SDCCAG8: variants seen among roughly 807,000 people sequenced by gnomAD.
SDCCAG8 encodes the protein serologically defined colon cancer antigen 8.
SDCCAG8 carries 74 observed loss-of-function variants against 101.8 expected under a neutral mutation model. That is an observed-to-expected ratio of 0.73 (90% confidence interval 0.60 to 0.88). SDCCAG8 has a LOEUF of 0.88. Ranked by LOEUF, SDCCAG8 falls within the 40% of genes least tolerant of loss-of-function variation. SDCCAG8 has a pLI of 0.00. For missense variants in SDCCAG8, 787 were observed against 822.6 expected (o/e 0.96, Z 0.53); for synonymous variants, 281 against 292.9 (o/e 0.96, Z 0.41).
intron 4 of SDCCAG8, among the ~76,000 whole-genome samples, chr1:243,275,974 C>T (rs772240843): frequency 1.3e-5 from 2 of 149,242 alleles, no homozygotes; most frequent in Non-Finnish European, 3.0e-5. Context: ...AGCTATTCTC[C>T]TGCCTCAGCC....
intron 13 of SDCCAG8, among the ~76,000 whole-genome samples, chr1:243,399,963 A>G (rs373371214): frequency 6.6e-6 from 1 of 152,234 alleles, no homozygotes; most frequent in Admixed American, 6.5e-5. Flanking sequence ...AAACTGAGGT[A>G]TTCAGAGGTT....
In SDCCAG8 at chr1:243,416,498, T is replaced by C. The variant is rs1313862497; in HGVS notation, c.1744+669T>C. Among the ~76,000 whole-genome samples the C allele has an allele frequency of 6.6e-6, 1 of 152,224 alleles. No individual in the cohort carries two copies. The highest frequency in any genetic ancestry group is 1.5e-5 in the Non-Finnish European group (1 of 68,038). On this transcript the variant is annotated intron_variant, in intron 14 of 17. Coordinates refer to ENST00000366541, the MANE Select transcript of SDCCAG8 (RefSeq NM_006642.5). The surrounding 1 kb of genome is among the most constrained non-coding windows in gnomAD (Gnocchi z 4.3). ...AGTGATGTTTAATCCTTTGCATTCT[T>C]CAAGTTCTCACAACTGCTGTTAAAA... is the stretch of plus-strand genomic sequence containing the variant.
chr1:243,475,294 G>C (rs1662182973), intron 16 of SDCCAG8, among the ~76,000 whole-genome samples: 1 of 152,174 alleles, frequency 6.6e-6, no homozygotes, highest in South Asian at 2.1e-4. Context: ...CTGGGGCGGG[G>C]GTCTTTCTAT....
At chr1:243,438,995 CTG>C (rs2082342828) in intron 16 of SDCCAG8, among the ~76,000 whole-genome samples, 1 of 152,152 alleles carries the variant, frequency 6.6e-6, no homozygotes, top group African/African-American at 2.4e-5. Flanking sequence ...TTCATTCCTA[CTG>C]TCTTAGAACC....
In SDCCAG8 at chr1:243,339,199, C is replaced by T. The variant is rs1018175676; in HGVS notation, c.1222-1840C>T. Among the ~76,000 whole-genome samples the T allele has an allele frequency of 3.9e-5, 6 of 152,124 alleles. No individual in the cohort carries two copies. In the South Asian group the frequency reaches 1.2e-3, roughly 31 times the overall value. ...CCTAAGGAAGGGGAGAGATTTGTGACATGCCTTAGAAGAGAAATGGACTAG... is the reference window on the plus strand; with the variant it reads ...CCTAAGGAAGGGGAGAGATTTGTGATATGCCTTAGAAGAGAAATGGACTAG... On this transcript the variant is annotated intron_variant, in intron 10 of 17. Coordinates refer to ENST00000366541, the MANE Select transcript of SDCCAG8 (RefSeq NM_006642.5).
At chr1:243,411,522 G>A (rs2080174901) in intron 13 of SDCCAG8, among the ~76,000 whole-genome samples, 1 of 152,158 alleles carries the variant, frequency 6.6e-6, no homozygotes, top group Non-Finnish European at 1.5e-5. Context: ...ATTGTGGAAA[G>A]ATCATAGTCA....
intron 16 of SDCCAG8, among the ~76,000 whole-genome samples, chr1:243,472,713 A>T (rs922511095): frequency 1.3e-5 from 2 of 152,256 alleles, no homozygotes; most frequent in Non-Finnish European, 2.9e-5. Context: ...AAAAGAAATG[A>T]AACCTGGAGA....
At chr1:243,329,430 G>C (rs1242964974) in intron 9 of SDCCAG8, among the ~76,000 whole-genome samples, 1 of 152,112 alleles carries the variant, frequency 6.6e-6, no homozygotes, top group African/African-American at 2.4e-5. Flanking sequence ...TCACCAGAGG[G>C]AAGCATAACT....
intron 1 of SDCCAG8, among the ~76,000 whole-genome samples, chr1:243,261,420 A>C (rs2067183682): frequency 6.6e-6 from 1 of 152,234 alleles, no homozygotes; most frequent in African/African-American, 2.4e-5. Context: ...GAATATGAGA[A>C]GAAAATATAT....
chr1:243,345,008 A>G (rs1558327439), intron 12 of SDCCAG8, among the ~76,000 whole-genome samples: 1 of 152,198 alleles, frequency 6.6e-6, no homozygotes, highest in Non-Finnish European at 1.5e-5. Context: ...GTTACAGTAC[A>G]GGACCTTGAA....
intron 17 of SDCCAG8, among the ~76,000 whole-genome samples, chr1:243,493,245 C>T (rs1027056140): frequency 2.9e-5 from 1 of 34,302 alleles, no homozygotes; most frequent in African/African-American, 1.1e-4. Flanking sequence ...GAGGGGGATT[C>T]GGGGTGAGGG....
At chr1:243,479,004 G>T (rs115128570) in intron 16 of SDCCAG8, among the ~76,000 whole-genome samples, 6 of 150,938 alleles carry the variant, frequency 4.0e-5, no homozygotes, top group African/African-American at 1.2e-4. Context: ...TCTGAGCAAG[G>T]ATAATGGGCT....
At chr1:243,432,257 T>C (rs2081830013) in intron 16 of SDCCAG8, among the ~76,000 whole-genome samples, 2 of 151,886 alleles carry the variant, frequency 1.3e-5, no homozygotes, top group South Asian at 4.2e-4. Flanking sequence ...TGGAGGCTAT[T>C]ATTCTTCAAA....
chr1:243,324,499 CTG>C (rs1018203208), intron 9 of SDCCAG8, among the ~76,000 whole-genome samples: 1 of 138,106 alleles, frequency 7.2e-6, no homozygotes, highest in African/African-American at 2.7e-5. Context: ...GGGCCTCACT[CTG>C]TCACCCAGGC....
chr1:243,343,337 A>G (rs1281783411), intron 11 of SDCCAG8, among the ~76,000 whole-genome samples: 26 of 152,248 alleles, frequency 1.7e-4, no homozygotes, highest in Admixed American at 1.7e-3. Context: ...TGAACTTTCT[A>G]TAGGTTCTCA....
In SDCCAG8 at chr1:243,270,673, T is replaced by A. The variant is rs556998992; in HGVS notation, c.221-305T>A. Among the ~76,000 whole-genome samples, 29 of 152,258 alleles carry A rather than the reference T, an allele frequency of 1.9e-4. No individual in the cohort carries two copies. The South Asian group carries it at 4.8e-3, about 25-fold the overall frequency. On this transcript the variant is annotated intron_variant, in intron 2 of 17. Transcript: ENST00000366541. Reference sequence around the variant, plus strand: ...CTCCTTCCTGTTTATCCTTGCAGTGTTATCTCCTCTGTGAAAACAAGCACA... The same window carrying A: ...CTCCTTCCTGTTTATCCTTGCAGTGATATCTCCTCTGTGAAAACAAGCACA...
chr1:243,386,872 A>T (rs2078338737), intron 13 of SDCCAG8, among the ~76,000 whole-genome samples: 1 of 152,194 alleles, frequency 6.6e-6, no homozygotes, highest in Non-Finnish European at 1.5e-5. Flanking sequence ...TTTCCTAAGA[A>T]ACATAGTTTC....
chr1:243,340,856 G>A (rs1168667272), intron 10 of SDCCAG8, among the ~76,000 whole-genome samples, 183 bp from the exon 11 acceptor site: 1 of 152,196 alleles, frequency 6.6e-6, no homozygotes, highest in African/African-American at 2.4e-5. Context: ...TAGGAGAGAA[G>A]TACATATTTC....
intron 16 of SDCCAG8, among the ~76,000 whole-genome samples, chr1:243,464,665 G>T (rs975627062): frequency 6.6e-6 from 1 of 152,064 alleles, no homozygotes; most frequent in African/African-American, 2.4e-5. Flanking sequence ...TCAAGCCTTC[G>T]CAGACTAACT....
Sources: gnomAD v4.1 joint callset for allele counts (sites outside exome capture counted in the v4.1 genomes callset) on GRCh38, gnomAD v4.1.1 for gene constraint, Gnocchi (gnomAD v3.1) non-coding constraint, MANE v1.5 for transcripts, NCBI Gene and HGNC (gene_info 2026-07-23, HGNC 2026-07-21) for gene names.